The following ZNF37A variants were observed in gnomAD, a reference collection of about 807,000 sequenced individuals.
ZNF37A encodes zinc finger protein 37A.
In ZNF37A, 10 loss-of-function variants were observed where a neutral mutation model predicts 12.3. The observed-to-expected ratio is 0.82, with a 90% CI of 0.50 to 1.38. The LOEUF is 1.38. Among genes scored for constraint, ZNF37A ranks in the 40% most tolerant of loss-of-function variants. ZNF37A has a pLI of 0.00. For missense variants in ZNF37A, 580 were observed against 651.2 expected, an observed-to-expected ratio of 0.89 and a Z score of 1.19; for synonymous variants, 207 against 223.0, an observed-to-expected ratio of 0.93 and a Z score of 0.64.
At chr10:38,145,794 A>G (rs1415511130) in intron 7 of ZNF37A, among the ~76,000 whole-genome samples, 1 of 152,186 alleles carries the variant, frequency 6.6e-6, no homozygotes, top group African/African-American at 2.4e-5. Flanking sequence ...TGTTTTTCTC[A>G]AGAGGAGACT....
In ZNF37A at chr10:38,118,412, T is replaced by C. The variant is rs773724809; in HGVS notation, c.1261T>C (p.Ser421Pro). 2 of 1,613,938 alleles carry C rather than the reference T, an allele frequency of 1.2e-6. No homozygotes were observed. Among genetic ancestry groups the C allele is most frequent in the Non-Finnish European group, 1.7e-6 (2 of 1,179,982 alleles). Reference protein sequence around the residue: ...YECNECGKSFSEKSTLTKHLR... With the variant: ...YECNECGKSFPEKSTLTKHLR... ...ATGTAATGAATGTGGGAAGTCATTC[T>C]CTGAGAAGTCAACCCTTACTAAACA... Residue 421 changes from serine to proline, a missense_variant, in exon 8 of 8, where the codon TCT becomes CCT. Transcript: ENST00000685332.
Position 38,118,576 on chromosome 10 carries a change from C to T in ZNF37A, c.1425C>T (p.Thr475=). ...TTGGATGTAATGAATGTGGGAAAAC[C>T]TTCCGTCAGAAGTCAGCCCTAATTG... is the stretch of plus-strand genomic sequence containing the variant. ...KPFGCNECGK[T]FRQKSALIVH... Residue 475 remains threonine (T), a synonymous_variant, in exon 8 of 8, where the codon ACC becomes ACT. Coordinates refer to ENST00000685332, the MANE Select transcript of ZNF37A (RefSeq NM_001324250.3). The T allele has an allele frequency of 6.2e-7, 1 of 1,605,132 alleles. No individual in the cohort carries two copies. Among genetic ancestry groups the T allele is most frequent in the Non-Finnish European group, 8.5e-7 (1 of 1,174,684 alleles).
chr10:38,101,192 T>C (rs1259102450), intron 5 of ZNF37A, among the ~76,000 whole-genome samples: 1 of 152,210 alleles, frequency 6.6e-6, no homozygotes, highest in African/African-American at 2.4e-5. Context: ...TATAGTCCAA[T>C]TTATTTTTAC....
At position 38,117,829 on chromosome 10, in the gene ZNF37A, G is replaced by A. The variant is rs2069400944; in HGVS notation, c.678G>A (p.Gln226=). ...ATCAGAGTGTTTACCCATTCAGCCAGAAGTTAAATCTCACTCCAATTCAGA... is the reference window on the plus strand; with the variant it reads ...ATCAGAGTGTTTACCCATTCAGCCAAAAGTTAAATCTCACTCCAATTCAGA... The part of the protein sequence containing the change: ...LEHQSVYPFS[Q]KLNLTPIQRT... The change falls in exon 8 of 8, where the codon CAG becomes CAA. Residue 226 remains glutamine, a synonymous_variant. Coordinates refer to ENST00000685332, the MANE Select transcript of ZNF37A (RefSeq NM_001324250.3). The A allele has an allele frequency of 6.2e-7, 1 of 1,613,870 alleles. No homozygotes were observed. The highest frequency in any genetic ancestry group is 8.5e-7 in the Non-Finnish European group (1 of 1,179,986).
intron 7 of ZNF37A, chr10:38,139,792 A>T (rs2070157953): frequency 6.6e-6 from 1 of 152,176 alleles, no homozygotes; most frequent in Non-Finnish European, 1.5e-5. Flanking sequence ...TAATTTATTG[A>T]TTGAAAAAAT....
At chr10:38,106,760 T>C (rs1347109023) in intron 5 of ZNF37A, among the ~76,000 whole-genome samples, 2 of 151,634 alleles carry the variant, frequency 1.3e-5, no homozygotes, top group African/African-American at 2.4e-5. Flanking sequence ...ACATAAGAGA[T>C]TGAAGATCAA....
chr10:38,127,617 C>T (rs978133251), downstream of ZNF37A, among the ~76,000 whole-genome samples: 8 of 152,088 alleles, frequency 5.3e-5, no homozygotes, highest in African/African-American at 1.9e-4. Flanking sequence ...GGGTTAGAGG[C>T]TCTCCCACTT....
chr10:38,103,456 C>T (rs2067763159), intron 5 of ZNF37A, among the ~76,000 whole-genome samples: 1 of 151,980 alleles, frequency 6.6e-6, no homozygotes, highest in Non-Finnish European at 1.5e-5. Context: ...TCTGTTAGTT[C>T]TTTGTCTGCT....
chr10:38,142,891 T>A (rs1168365650), intron 7 of ZNF37A: 2 of 152,138 alleles, frequency 1.3e-5, no homozygotes, highest in Admixed American at 1.3e-4. Context: ...GACCATGGAG[T>A]AATTTTTGCT....
At chr10:38,137,119 T>C (rs2070117667) in intron 7 of ZNF37A, among the ~76,000 whole-genome samples, 1 of 152,218 alleles carries the variant, frequency 6.6e-6, no homozygotes, top group Admixed American at 6.5e-5. Flanking sequence ...GCAGTAAGTC[T>C]GACATACTCA....
rs1554929923 is a variant in ZNF37A at position 38,112,778 on chromosome 10, T to TGG, written c.16-1977_16-1976insGG. ...TTCTTTTCTTTTCTTTTCTTTTCTT[T>TGG]TCTTTTCTTTTCTTTTCTTGTCTTG... On this transcript the variant is annotated intron_variant, in intron 5 of 7. Coordinates refer to ENST00000685332, the MANE Select transcript of ZNF37A (RefSeq NM_001324250.3). 3.1e-4 allele frequency among the ~76,000 whole-genome samples: 20 copies of TGG among 63,806 alleles called. 3 individuals are homozygous for TGG. The highest frequency in any genetic ancestry group is 1.9e-3 in the East Asian group (3 of 1,560). 41.9% of individuals were successfully genotyped at this position (63,806 alleles called of 152,430 possible).
At position 38,116,489 on chromosome 10, in the gene ZNF37A, T is replaced by A. The variant is rs79604300; in HGVS notation, c.239-901T>A. ...TGGAAAAACAATCAGTATGAGATTA[T>A]GATGGGAATGAGCAATTTATGAGGG... is the stretch of plus-strand genomic sequence containing the variant. On this transcript the variant is annotated intron_variant, in intron 7 of 7. Transcript: ENST00000685332. 1.2e-3 allele frequency among the ~76,000 whole-genome samples: 177 copies of A among 152,264 alleles called. 6 individuals carry two copies. In the East Asian group the frequency reaches 0.032, roughly 28 times the overall value.
chr10:38,135,025 G>A (rs1454781079), intron 7 of ZNF37A, among the ~76,000 whole-genome samples: 1 of 151,922 alleles, frequency 6.6e-6, no homozygotes, highest in African/African-American at 2.4e-5. Context: ...GTTACTATAG[G>A]GATTACATCT....
chr10:38,111,293 T>C (rs1408488540), intron 5 of ZNF37A, among the ~76,000 whole-genome samples: 3 of 149,444 alleles, frequency 2.0e-5, no homozygotes, highest in Non-Finnish European at 3.0e-5. Context: ...TGAGAACACA[T>C]GAACACAGGA....
chr10:38,112,797 T>TCTCG (rs1564932680), intron 5 of ZNF37A, among the ~76,000 whole-genome samples: 879 of 57,504 alleles, frequency 0.015, 127 homozygotes, highest in Middle Eastern at 0.046. Context: ...TTTCTTTTCT[T>TCTCG]GTCTTGTCTT....
chr10:38,119,682 C>T lies in ZNF37A; in HGVS notation c.*845C>T, dbSNP rs1369357564. 1 of 152,710 alleles carries T rather than the reference C, an allele frequency of 6.5e-6. No homozygotes were observed. Among genetic ancestry groups the T allele is most frequent in the East Asian group, 1.9e-4 (1 of 5,192 alleles). The allele number at this position is 152,710 out of a possible 1,614,324, so 9.5% of individuals were successfully genotyped here. ...AGACTTCTAAAGACGCCACTCAAGC[C>T]AATGGCTATAAGTAGTTCAAAGGTT... On this transcript the variant is annotated 3_prime_UTR_variant, in exon 8 of 8. Coordinates refer to ENST00000685332, the MANE Select transcript of ZNF37A (RefSeq NM_001324250.3).
rs1170774786 is a variant in ZNF37A at position 38,121,063 on chromosome 10, ACT to A, written c.*2229_*2230del. On this transcript the variant is annotated 3_prime_UTR_variant, in exon 8 of 8. Transcript: ENST00000685332. ...ATTCAAAAACTTGCTTAGAAAGAAA[ACT>A]CTAGGAACAGATGGCTTCACTGAAG... is the stretch of plus-strand genomic sequence containing the variant. 1 of 152,076 alleles carries A rather than the reference ACT, an allele frequency of 6.6e-6. No homozygotes were observed. Among genetic ancestry groups the A allele is most frequent in the South Asian group, 2.1e-4 (1 of 4,820 alleles). 9.4% of individuals were successfully genotyped at this position (152,076 alleles called of 1,614,324 possible).
chr10:38,123,930 C>T lies in ZNF37A; in HGVS notation c.*5093C>T, dbSNP rs556605184. The T allele has an allele frequency of 6.6e-6, 1 of 152,166 alleles. No homozygotes were observed. Among genetic ancestry groups the T allele is most frequent in the East Asian group, 1.9e-4 (1 of 5,160 alleles). 9.4% of individuals were successfully genotyped at this position (152,166 alleles called of 1,614,324 possible). On this transcript the variant is annotated 3_prime_UTR_variant, in exon 8 of 8. Transcript: ENST00000685332. ...CACTATGGACAACAATTTGGAGGTA[C>T]CTCAAAAACTAAAAATAGAGCTATC...
rs1422658944 is a variant in ZNF37A, at chr10:38,118,859, A to G, written c.*22A>G. The G allele has an allele frequency of 5.2e-6, 8 of 1,537,778 alleles. No homozygotes were observed. The South Asian group carries it at 9.2e-5, about 18-fold the overall frequency. On this transcript the variant is annotated 3_prime_UTR_variant, in exon 8 of 8. Transcript: ENST00000685332. ...GTGAAGTCAGAACTTTGTAGAACAC[A>G]GAACATAAAGGGTGAGAGAAATCTG...
Sources: gnomAD v4.1 joint callset for allele counts (sites outside exome capture counted in the v4.1 genomes callset) on GRCh38, gnomAD v4.1.1 for gene constraint, MANE v1.5 for transcripts, NCBI Gene and HGNC (gene_info 2026-07-23, HGNC 2026-07-21) for gene names.